COL9A1: variants seen among roughly 807,000 people sequenced by gnomAD.
The protein encoded by COL9A1 is collagen type IX alpha 1 chain.
Under a neutral mutation model 142.6 loss-of-function variants are expected in COL9A1, and 104 were observed. The ratio of observed to expected loss-of-function variants is 0.73; its 90% CI spans 0.62 to 0.86. The LOEUF (loss-of-function observed/expected upper bound fraction) is 0.86, where lower values mean the gene tolerates loss of function less well. Ranked by LOEUF, COL9A1 falls within the 40% of genes least tolerant of loss-of-function variation. The pLI is 0.00. For missense variants in COL9A1, 1,210 were observed against 1,176.6 expected, an observed-to-expected ratio of 1.03 and a Z score of -0.42; for synonymous variants, 466 against 396.0, an observed-to-expected ratio of 1.18 and a Z score of -2.10.
At chr6:70,240,617 A>AGT (rs1242671964) in intron 32 of COL9A1, 72 bp downstream of exon 32, 2 of 988,996 alleles carry the variant, frequency 2.0e-6, no homozygotes, top group African/African-American at 3.4e-5. Context: ...CTGTGTTAGA[A>AGT]GTATATATAT....
Position 70,274,718 on chromosome 6 carries a change from C to T in COL9A1, c.1029+1G>A, listed in dbSNP as rs1198031794. On this transcript the variant is annotated splice_donor_variant, in intron 11 of 37. Transcript: ENST00000357250. LOFTEE classifies it high-confidence loss of function. ...CAATTAATGCCAGATGGCTAACTTA[C>T]TTTTTGTCCCTTTGACCCAATGGAG... 1.2e-6 allele frequency: 2 copies of T among 1,611,140 alleles called. No individual in the cohort carries two copies. Among genetic ancestry groups the T allele is most frequent in the Non-Finnish European group, 1.7e-6 (2 of 1,177,642 alleles).
Position 70,300,127 on chromosome 6 carries a change from C to A in COL9A1, c.215G>T (p.Arg72Ile). 1 of 1,613,662 alleles carries A rather than the reference C, an allele frequency of 6.2e-7. No homozygotes were observed. Among genetic ancestry groups the A allele is most frequent in the Middle Eastern group, 1.7e-4 (1 of 6,060 alleles). ...QFQVDKAASR[R>I]AIQRVVGSAT... is the part of the protein sequence containing the mutation. The stretch of plus-strand genomic sequence containing the variant: ...TGATCCCACTACTCTCTGGATAGCT[C>A]TTCTAGATGCTGCTTTATCTACCTG... Residue 72 changes from arginine to isoleucine, a missense_variant, in exon 4 of 38, where the codon AGA becomes ATA. By Grantham distance (97) the Arg-to-Ile change is moderately conservative. Transcript: ENST00000357250.
At chr6:70,281,606 G>A in intron 7 of COL9A1, 142 bp from the exon 8 acceptor site, 1 of 615,108 alleles carries the variant, frequency 1.6e-6, no homozygotes, top group Non-Finnish European at 2.9e-6. Flanking sequence ...ACGCAAAAAT[G>A]TCTCAGACCT....
At position 70,272,177 on chromosome 6, in the gene COL9A1, TA is replaced by T. The variant is rs1424492781; in HGVS notation, c.1066-90del. 9.7e-5 allele frequency: 101 copies of T among 1,036,136 alleles called. No homozygotes were observed. The South Asian group carries it at 1.3e-3, about 14-fold the overall frequency. The allele number at this position is 1,036,136 out of a possible 1,614,324, so 64.2% of individuals were successfully genotyped here. ...GACATAACTCAGCTAAAATAAACCA[TA>T]AACTCTATTACTAAAAATGATGCTC... On this transcript the variant is annotated intron_variant, in intron 12 of 37. Coordinates refer to ENST00000357250, the MANE Select transcript of COL9A1 (RefSeq NM_001851.6).
chr6:70,271,678 C>A lies in COL9A1; in HGVS notation c.1120G>T (p.Glu374Ter), dbSNP rs374843706. The change falls in exon 14 of 38, where the codon GAG becomes TAG. Residue 374 changes from glutamate to a stop codon, truncating the protein, a stop_gained. Transcript: ENST00000357250. LOFTEE classifies it high-confidence loss of function. ...GPPGTAGLPG[E>*]LGRVGPVGDP... ...ACAACAGGTCCTACACGGCCAAGCT[C>A]TCCAGGGAGTCCTGCTGTCCCAGGA... The A allele has an allele frequency of 8.7e-5, 140 of 1,613,864 alleles. No individual in the cohort carries two copies. The highest frequency in any genetic ancestry group is 1.1e-4 in the Non-Finnish European group (132 of 1,179,884).
intron 18 of COL9A1, among the ~76,000 whole-genome samples, chr6:70,264,190 C>T (rs1164738496): frequency 6.6e-6 from 1 of 151,920 alleles, no homozygotes; most frequent in East Asian, 1.9e-4. Context: ...CTTTATTTTT[C>T]ATTTATAGTT....
At chr6:70,252,417 A>T in intron 26 of COL9A1, 102 bp from the exon 27 acceptor site, 1 of 1,008,200 alleles carries the variant, frequency 9.9e-7, no homozygotes. Flanking sequence ...AATAGCATTA[A>T]TTCCCTGCTT....
Position 70,217,096 on chromosome 6 carries a change from A to G in COL9A1, c.2582-15T>C, listed in dbSNP as rs764060012. The G allele has an allele frequency of 6.2e-7, 1 of 1,613,734 alleles. No individual in the cohort carries two copies. Among genetic ancestry groups the G allele is most frequent in the South Asian group, 1.1e-5 (1 of 91,076 alleles). On this transcript the variant is annotated splice_polypyrimidine_tract_variant and intron_variant, in intron 37 of 37. Coordinates refer to ENST00000357250, the MANE Select transcript of COL9A1 (RefSeq NM_001851.6). Reference sequence around the variant, plus strand: ...GCCTGGGTCACCTGAAACACACAGAAGATTGCACATGTGAACAGGAGAATC... The same window carrying G: ...GCCTGGGTCACCTGAAACACACAGAGGATTGCACATGTGAACAGGAGAATC...
intron 19 of COL9A1, among the ~76,000 whole-genome samples, chr6:70,262,429 A>T (rs1771748326): frequency 6.6e-6 from 1 of 152,218 alleles, no homozygotes; most frequent in Non-Finnish European, 1.5e-5. Flanking sequence ...CAGCTCGCTG[A>T]ACCCTTTTTA....
intron 37 of COL9A1, among the ~76,000 whole-genome samples, chr6:70,223,805 G>A (rs1454485847): frequency 2.0e-5 from 3 of 152,148 alleles, no homozygotes; most frequent in Non-Finnish European, 2.9e-5. Context: ...GTCAGATATC[G>A]TCTCAATTAA....
chr6:70,257,496 A>G (rs983926153), intron 20 of COL9A1, among the ~76,000 whole-genome samples: 3 of 152,190 alleles, frequency 2.0e-5, no homozygotes, highest in Non-Finnish European at 4.4e-5. Context: ...TAACATTTCT[A>G]TAGAAATTAA....
intron 14 of COL9A1, 72 bp downstream of exon 14, chr6:70,271,583 G>T (rs751048401): frequency 2.9e-6 from 4 of 1,360,698 alleles, no homozygotes; most frequent in Non-Finnish European, 4.2e-6. Context: ...TACAGTTAGG[G>T]TAATTTGCTT....
chr6:70,241,660 G>A (rs1770267362), intron 30 of COL9A1, among the ~76,000 whole-genome samples: 1 of 152,038 alleles, frequency 6.6e-6, no homozygotes, highest in South Asian at 2.1e-4. Context: ...CTGGAACTTG[G>A]GGCATTCTCT....
intron 5 of COL9A1, among the ~76,000 whole-genome samples, chr6:70,289,275 T>C (rs536830701): frequency 1.1e-3 from 163 of 152,124 alleles, no homozygotes; most frequent in Non-Finnish European, 2.2e-3. Flanking sequence ...TTTATAGAAA[T>C]AAAAATCTAA....
intron 20 of COL9A1, among the ~76,000 whole-genome samples, chr6:70,257,618 A>T (rs1771402720): frequency 6.6e-6 from 1 of 152,174 alleles, no homozygotes; most frequent in South Asian, 2.1e-4. Flanking sequence ...CTGTTGGCAC[A>T]TGCCTGTAAT....
chr6:70,280,965 A>T (rs1276255255), intron 9 of COL9A1, 39 bp downstream of exon 9: 2 of 1,613,550 alleles, frequency 1.2e-6, no homozygotes, highest in South Asian at 2.2e-5. Context: ...ACACGTCTAA[A>T]GGAAGGAAGT....
intron 10 of COL9A1, among the ~76,000 whole-genome samples, chr6:70,278,078 C>T (rs533943372): frequency 1.3e-5 from 2 of 152,178 alleles, no homozygotes; most frequent in East Asian, 3.9e-4. Flanking sequence ...CTTTACAGTT[C>T]CAGATGCCTC....
chr6:70,300,656 G>A (rs566890167), intron 2 of COL9A1, among the ~76,000 whole-genome samples: 1 of 152,186 alleles, frequency 6.6e-6, no homozygotes, highest in East Asian at 1.9e-4. Context: ...TGGAAGGGGT[G>A]GATGCAAGGC....
At chr6:70,234,662 C>T in intron 34 of COL9A1, 69 bp from the exon 35 acceptor site, 1 of 1,606,552 alleles carries the variant, frequency 6.2e-7, no homozygotes. Context: ...AAGTTGTAAA[C>T]TGACAGACTC....
Sources: allele counts gnomAD v4.1 joint callset (sites outside exome capture counted in the v4.1 genomes callset), GRCh38; gene constraint gnomAD v4.1.1; transcripts MANE v1.5; gene names NCBI Gene and HGNC (gene_info 2026-07-23, HGNC 2026-07-21).